The following NR6A1 variants were observed in gnomAD, a reference collection of about 807,000 sequenced individuals.
The protein encoded by NR6A1 is nuclear receptor subfamily 6 group A member 1.
In NR6A1, 7 loss-of-function variants were observed where a neutral mutation model predicts 59.1. That is an observed-to-expected ratio of 0.12 (90% CI 0.07 to 0.22). The LOEUF is 0.22. NR6A1 is among the 10% of genes least tolerant of loss of function. The pLI is 1.00. For synonymous variants in NR6A1, 243 were observed against 236.1 expected (o/e 1.03, Z -0.27); for missense variants, 468 against 611.6 (o/e 0.77, Z 2.48).
At chr9:124,716,494 A>G (rs1388757972) in intron 2 of NR6A1, among the ~76,000 whole-genome samples, 1 of 152,214 alleles carries the variant, frequency 6.6e-6, no homozygotes, top group Non-Finnish European at 1.5e-5. Flanking sequence ...GTTCCTCACA[A>G]AACATGTTAA....
intron 2 of NR6A1, among the ~76,000 whole-genome samples, chr9:124,586,460 T>C (rs963651000): frequency 3.3e-5 from 5 of 152,034 alleles, no homozygotes; most frequent in Admixed American, 2.6e-4. Context: ...TTTTTTTTTT[T>C]CAAGACAGGG....
At chr9:124,724,711 T>C (rs182908741) in intron 2 of NR6A1, among the ~76,000 whole-genome samples, 1 of 152,332 alleles carries the variant, frequency 6.6e-6, no homozygotes, top group East Asian at 1.9e-4. Flanking sequence ...AAATAGATAA[T>C]AAGAGACAAA....
intron 2 of NR6A1, among the ~76,000 whole-genome samples, chr9:124,588,868 C>T (rs1224844340): frequency 3.5e-5 from 5 of 144,412 alleles, no homozygotes; most frequent in African/African-American, 1.3e-4. Flanking sequence ...TGCAGTGAGC[C>T]GAGATCGTGC....
intron 2 of NR6A1, among the ~76,000 whole-genome samples, chr9:124,690,487 C>G (rs1838501682): frequency 1.3e-5 from 2 of 151,948 alleles, no homozygotes; most frequent in Admixed American, 6.6e-5. Flanking sequence ...AACTCAAAAC[C>G]AATCTAAATC....
chr9:124,712,300 A>G (rs1302558360), intron 2 of NR6A1, among the ~76,000 whole-genome samples: 5 of 152,158 alleles, frequency 3.3e-5, no homozygotes, highest in African/African-American at 1.2e-4. Flanking sequence ...AAAATGAGAA[A>G]TTAAGGAAAA....
intron 5 of NR6A1, among the ~76,000 whole-genome samples, chr9:124,538,627 C>T (rs1833353251): frequency 6.6e-6 from 1 of 152,114 alleles, no homozygotes; most frequent in Admixed American, 6.6e-5. Context: ...AGTTTTTTAA[C>T]AGATACTTGT....
At chr9:124,632,165 A>G (rs1200066108) in intron 2 of NR6A1, among the ~76,000 whole-genome samples, 1 of 152,234 alleles carries the variant, frequency 6.6e-6, no homozygotes, top group Non-Finnish European at 1.5e-5. Flanking sequence ...AATGATTTAT[A>G]TTCCTTTGGA....
At chr9:124,768,233 G>A (rs1840994227) in intron 1 of NR6A1, among the ~76,000 whole-genome samples, 1 of 152,146 alleles carries the variant, frequency 6.6e-6, no homozygotes, top group African/African-American at 2.4e-5. Context: ...TATCTGTATA[G>A]TTGTCTCTTG....
intron 2 of NR6A1, among the ~76,000 whole-genome samples, chr9:124,644,271 C>CTTCTTTTT (rs567120746): frequency 2.1e-5 from 2 of 96,744 alleles, no homozygotes; most frequent in South Asian, 6.6e-4. Flanking sequence ...ATTAAGTCTT[C>CTTCTTTTT]TTTTTTTTTT....
At chr9:124,697,158 T>C (rs879942232) in intron 2 of NR6A1, among the ~76,000 whole-genome samples, 2 of 152,156 alleles carry the variant, frequency 1.3e-5, no homozygotes, top group Admixed American at 1.3e-4. Flanking sequence ...ATTCCACTTT[T>C]GGAACAGATA....
intron 1 of NR6A1, among the ~76,000 whole-genome samples, chr9:124,737,042 G>A (rs1366409540): frequency 6.6e-6 from 1 of 152,116 alleles, no homozygotes; most frequent in Non-Finnish European, 1.5e-5. Flanking sequence ...AAAGACCTGG[G>A]ATGGAACCCT....
intron 2 of NR6A1, among the ~76,000 whole-genome samples, chr9:124,669,112 A>G (rs1286037993): frequency 6.6e-6 from 1 of 152,202 alleles, no homozygotes; most frequent in Admixed American, 6.5e-5. Context: ...AAATCAAAAC[A>G]TTCTTCTCAT....
At chr9:124,698,735 C>A (rs953151633) in intron 2 of NR6A1, 15 of 152,044 alleles carry the variant, frequency 9.9e-5, no homozygotes, top group African/African-American at 3.1e-4. Context: ...GCACAGGATA[C>A]CTTCAGCTAT....
intron 7 of NR6A1, among the ~76,000 whole-genome samples, chr9:124,530,385 C>T (rs948111227): frequency 1.1e-4 from 16 of 152,228 alleles, no homozygotes; most frequent in Non-Finnish European, 1.9e-4. Flanking sequence ...GTTCTCTGTT[C>T]CACGGGCCTG....
At chr9:124,657,945 T>A (rs1263576246) in intron 2 of NR6A1, among the ~76,000 whole-genome samples, 1 of 152,250 alleles carries the variant, frequency 6.6e-6, no homozygotes. Flanking sequence ...ATGCCACTTT[T>A]ATTTTTACCT....
chr9:124,738,470 A>G (rs943366152), intron 1 of NR6A1, among the ~76,000 whole-genome samples: 1 of 152,214 alleles, frequency 6.6e-6, no homozygotes, highest in Non-Finnish European at 1.5e-5. Flanking sequence ...TTGGTTCCTA[A>G]GATGATATCA....
chr9:124,753,425 C>T (rs1430236998), intron 1 of NR6A1, among the ~76,000 whole-genome samples: 1 of 151,944 alleles, frequency 6.6e-6, no homozygotes, highest in Non-Finnish European at 1.5e-5. Context: ...AGAATGTTAA[C>T]TATTCAATAT....
chr9:124,625,092 C>A (rs1407810540), intron 2 of NR6A1, among the ~76,000 whole-genome samples: 1 of 152,044 alleles, frequency 6.6e-6, no homozygotes, highest in African/African-American at 2.4e-5. Flanking sequence ...CAGAATTCCC[C>A]AGATGTCACA....
chr9:124,665,727 C>T (rs1837592850), intron 2 of NR6A1, among the ~76,000 whole-genome samples: 1 of 152,132 alleles, frequency 6.6e-6, no homozygotes, highest in African/African-American at 2.4e-5. Flanking sequence ...GTACTCAACC[C>T]ATGACTAATC....
Sources: gnomAD v4.1 joint callset for allele counts (sites outside exome capture counted in the v4.1 genomes callset) on GRCh38, gnomAD v4.1.1 for gene constraint, MANE v1.5 for transcripts, NCBI Gene and HGNC (gene_info 2026-07-23, HGNC 2026-07-21) for gene names.